ALKBH3: variants seen among roughly 807,000 people sequenced by gnomAD.
ALKBH3 encodes the protein alkB homolog 3, alpha-ketoglutarate dependent dioxygenase.
Under a neutral mutation model 43.9 loss-of-function variants are expected in ALKBH3, and 51 were observed. That is an observed-to-expected ratio of 1.16 (90% CI 0.93 to 1.47). The LOEUF (loss-of-function observed/expected upper bound fraction) is 1.47, where lower values mean the gene tolerates loss of function less well. Among genes scored for constraint, ALKBH3 ranks in the 40% most tolerant of loss-of-function variants. The pLI is 0.00. For missense variants in ALKBH3, 361 were observed against 351.9 expected (o/e 1.03, Z -0.21); for synonymous variants, 102 against 115.2 (o/e 0.89, Z 0.73).
chr11:43,919,797 A>T (rs1952012417), intron 9 of ALKBH3, 121 bp from the exon 10 acceptor site: 2 of 915,364 alleles, frequency 2.2e-6, no homozygotes, highest in African/African-American at 1.6e-5. Context: ...AGAGCTTACT[A>T]CTCATTTAAG....
intron 6 of ALKBH3, among the ~76,000 whole-genome samples, chr11:43,890,603 C>T (rs1408881683): frequency 5.3e-5 from 8 of 152,098 alleles, no homozygotes; most frequent in Non-Finnish European, 1.2e-4. Context: ...TGGTGGCTTA[C>T]GCCTGTAATC....
chr11:43,893,539 TAAAC>T (rs1951798489), intron 7 of ALKBH3, among the ~76,000 whole-genome samples: 1 of 152,162 alleles, frequency 6.6e-6, no homozygotes, highest in Non-Finnish European at 1.5e-5. Flanking sequence ...AAACTGCACA[TAAAC>T]AGGAAGAATA....
chr11:43,900,712 A>G (rs981903950), intron 7 of ALKBH3, among the ~76,000 whole-genome samples: 2 of 152,188 alleles, frequency 1.3e-5, no homozygotes, highest in Non-Finnish European at 2.9e-5. Context: ...TTTCTGGGAG[A>G]AAAGCATTCT....
intron 8 of ALKBH3, among the ~76,000 whole-genome samples, chr11:43,914,050 G>A (rs2135205300): frequency 6.6e-6 from 1 of 152,234 alleles, no homozygotes; most frequent in South Asian, 2.1e-4. Flanking sequence ...TCCTCCCTGT[G>A]CTGCACCCAG....
At chr11:43,902,722 G>A (rs774681161) in intron 8 of ALKBH3, among the ~76,000 whole-genome samples, 2 of 152,196 alleles carry the variant, frequency 1.3e-5, no homozygotes, top group African/African-American at 4.8e-5. Flanking sequence ...TTAGCCTCCC[G>A]AGTAGCTGGG....
chr11:43,917,578 T>C (rs1033277903), intron 8 of ALKBH3, among the ~76,000 whole-genome samples: 81 of 152,170 alleles, frequency 5.3e-4, no homozygotes, highest in African/African-American at 1.9e-3. Flanking sequence ...GACTGTCTAA[T>C]CTCATGGTCA....
chr11:43,897,276 G>A (rs778265203), intron 7 of ALKBH3: 11 of 576,450 alleles, frequency 1.9e-5, no homozygotes, highest in South Asian at 4.2e-5. Flanking sequence ...TGGTATGAGC[G>A]CCCGTCGCCA....
intron 8 of ALKBH3, chr11:43,918,809 C>A: frequency 2.0e-6 from 1 of 498,734 alleles, no homozygotes; most frequent in Non-Finnish European, 3.5e-6. Context: ...TCACCATAGC[C>A]CTAGGTGGCA....
chr11:43,901,503 C>A lies in ALKBH3; in HGVS notation c.460-13C>A. The stretch of plus-strand genomic sequence containing the variant: ...GCGACTGTCTTGCCCTTTTCTTGGT[C>A]TGTGGATTGCAGTGGCACCCTGTGC... On this transcript the variant is annotated splice_polypyrimidine_tract_variant and intron_variant, in intron 7 of 9. Transcript: ENST00000302708. 1 of 1,612,664 alleles carries A rather than the reference C, an allele frequency of 6.2e-7. No individual in the cohort carries two copies. The highest frequency in any genetic ancestry group is 1.1e-5 in the South Asian group (1 of 90,940).
rs766821611 is a variant in ALKBH3, at chr11:43,882,742, G to A, written c.79+11G>A. The A allele has an allele frequency of 7.5e-6, 12 of 1,608,934 alleles. No homozygotes were observed. Among genetic ancestry groups the A allele is most frequent in the Non-Finnish European group, 8.5e-6 (10 of 1,178,380 alleles). On this transcript the variant is annotated intron_variant, in intron 2 of 9. Coordinates refer to ENST00000302708, the MANE Select transcript of ALKBH3 (RefSeq NM_139178.4). ...CCATTGCTCAGCCAGGCAAGAATCT[G>A]TAGGGATTTTGTGTGTGTGTGGATA...
chr11:43,883,161 A>C lies in ALKBH3; in HGVS notation c.156A>C (p.Arg52Ser), dbSNP rs1248583497. ...WKNKEHHLSD[R>S]EFVFKEPQQV... ...ACAAAGAGCATCATCTCTCTGACAG[A>C]GAGTTTGTGTTCAAAGAACCTCAGC... The change falls in exon 3 of 10, where the codon AGA (arginine) becomes AGC (serine). Residue 52 changes from arginine (R) to serine (S), a missense_variant. Arg to Ser is a moderately radical substitution (Grantham distance 110). Coordinates refer to ENST00000302708, the MANE Select transcript of ALKBH3 (RefSeq NM_139178.4). 1 of 1,613,864 alleles carries C rather than the reference A, an allele frequency of 6.2e-7. No homozygotes were observed. The highest frequency in any genetic ancestry group is 2.2e-5 in the East Asian group (1 of 44,898).
At chr11:43,897,556 C>T (rs1032277016) in intron 7 of ALKBH3, 69 of 782,326 alleles carry the variant, frequency 8.8e-5, no homozygotes, top group Non-Finnish European at 1.3e-4. Flanking sequence ...CCTTTGATTC[C>T]GACATTCATG....
chr11:43,882,572 T>G lies in ALKBH3; in HGVS notation c.-70-11T>G. On this transcript the variant is annotated splice_polypyrimidine_tract_variant and intron_variant, in intron 1 of 9. Coordinates refer to ENST00000302708, the MANE Select transcript of ALKBH3 (RefSeq NM_139178.4). The stretch of plus-strand genomic sequence containing the variant: ...ACTAAAAGCACTGTTTTGTTTTGTT[T>G]TAATAAACAGATACCATGGAGTAGT... The G allele has an allele frequency of 7.5e-7, 1 of 1,329,742 alleles. No individual in the cohort carries two copies. Among genetic ancestry groups the G allele is most frequent in the Non-Finnish European group, 1.0e-6 (1 of 964,554 alleles). The allele number at this position is 1,329,742 out of a possible 1,614,324, so 82.4% of individuals were successfully genotyped here. A position where few individuals can be genotyped will look rare whatever the true frequency, so the allele number is the denominator to read the frequency against.
At chr11:43,919,245 G>A (rs752848625) in intron 9 of ALKBH3, 109 bp downstream of exon 9, 7 of 924,702 alleles carry the variant, frequency 7.6e-6, no homozygotes, top group Non-Finnish European at 1.2e-5. Flanking sequence ...TTTACAACGA[G>A]CAAGAGGGAA....
At position 43,890,848 on chromosome 11, in the gene ALKBH3, G is replaced by T. The variant is rs185088734; in HGVS notation, c.370+1020G>T. Among the ~76,000 whole-genome samples, 175 of 152,090 alleles carry T rather than the reference G, an allele frequency of 1.2e-3. 1 individual carries two copies. The highest frequency in any genetic ancestry group is 4.1e-3 in the African/African-American group (171 of 41,508). ...CACTGCACTCCAGCCTGGTAATAGA[G>T]TGAGACTCCGTCTCAAAAAAAAATA... On this transcript the variant is annotated intron_variant, in intron 6 of 9. Transcript: ENST00000302708.
intron 7 of ALKBH3, chr11:43,898,229 A>C: frequency 1.0e-6 from 1 of 955,714 alleles, no homozygotes; most frequent in African/African-American, 1.6e-5. Flanking sequence ...GGGTGGCTCC[A>C]GGAGACCCAC....
intron 7 of ALKBH3, among the ~76,000 whole-genome samples, chr11:43,894,586 T>C (rs1339345754): frequency 2.6e-5 from 4 of 152,184 alleles, no homozygotes; most frequent in African/African-American, 9.7e-5. Flanking sequence ...ACACAAACTT[T>C]ATGCTATCTC....
At chr11:43,898,206 C>G in intron 7 of ALKBH3, 1 of 1,147,682 alleles carries the variant, frequency 8.7e-7, no homozygotes, top group Non-Finnish European at 1.3e-6. Flanking sequence ...AGAGCTGTCT[C>G]ATTAGACTTC....
chr11:43,899,099 G>A, intron 7 of ALKBH3: 1 of 758,506 alleles, frequency 1.3e-6, no homozygotes. Context: ...TGTACAAAGG[G>A]GACATTGTCT....
Sources: gnomAD v4.1 joint callset for allele counts (sites outside exome capture counted in the v4.1 genomes callset) on GRCh38, gnomAD v4.1.1 for gene constraint, MANE v1.5 for transcripts, NCBI Gene and HGNC (gene_info 2026-07-23, HGNC 2026-07-21) for gene names.